PDIA5: variants seen among roughly 807,000 people sequenced by gnomAD.
The protein encoded by PDIA5 is protein disulfide isomerase family A member 5.
Under a neutral mutation model 77.6 loss-of-function variants are expected in PDIA5, and 58 were observed. The observed-to-expected ratio is 0.75, with a 90% CI of 0.61 to 0.93. The LOEUF is 0.93. Among genes scored for constraint, PDIA5 ranks in the 40% least tolerant of loss-of-function variants. PDIA5 has a pLI of 0.00. For missense variants in PDIA5, 630 were observed against 647.7 expected (o/e 0.97, Z 0.30); for synonymous variants, 250 against 252.1 (o/e 0.99, Z 0.08).
rs547216257 is a variant in PDIA5, at chr3:123,138,102, C to T, written c.911-7420C>T. Among the ~76,000 whole-genome samples the T allele has an allele frequency of 1.3e-3, 197 of 152,162 alleles. 1 individual carries two copies. Among genetic ancestry groups the T allele is most frequent in the Middle Eastern group, 6.8e-3 (2 of 292 alleles). On this transcript the variant is annotated intron_variant, in intron 11 of 16. Transcript: ENST00000316218. ...CTAGTACTACAGGCACACACTACCA[C>T]GCCTGGCTAATTTTTTAAATTTTTA...
intron 1 of PDIA5, among the ~76,000 whole-genome samples, chr3:123,086,241 T>G (rs1180259123): frequency 1.3e-5 from 2 of 152,242 alleles, no homozygotes; most frequent in Non-Finnish European, 2.9e-5. Flanking sequence ...CTTTCTGATT[T>G]ATAAAACACG....
chr3:123,119,276 T>G (rs1007408642), intron 8 of PDIA5, among the ~76,000 whole-genome samples: 8 of 152,022 alleles, frequency 5.3e-5, no homozygotes, highest in Admixed American at 5.2e-4. Context: ...AATTCCAGCT[T>G]CTTCTGCCTG....
intron 11 of PDIA5, among the ~76,000 whole-genome samples, chr3:123,137,252 A>G (rs1197846534): frequency 1.3e-5 from 2 of 152,242 alleles, no homozygotes; most frequent in Non-Finnish European, 2.9e-5. Context: ...GTCTGCAGCT[A>G]TCTGACCTCT....
At chr3:123,156,713 C>G (rs1936027097) in intron 15 of PDIA5, among the ~76,000 whole-genome samples, 1 of 152,192 alleles carries the variant, frequency 6.6e-6, no homozygotes, top group South Asian at 2.1e-4. Flanking sequence ...GGTCCTGAGG[C>G]ATGACTGGCA....
intron 11 of PDIA5, among the ~76,000 whole-genome samples, chr3:123,134,880 G>A (rs1488809625): frequency 1.3e-5 from 2 of 152,192 alleles, no homozygotes; most frequent in African/African-American, 2.4e-5. Context: ...GGCTCTGAGA[G>A]GGGTGTGTCT....
At chr3:123,067,351 C>A in intron 1 of PDIA5, 145 bp downstream of exon 1, 2 of 695,052 alleles carry the variant, frequency 2.9e-6, no homozygotes, top group Non-Finnish European at 4.0e-6. Context: ...GGCAGGCGGG[C>A]ACTGGGTGCT....
chr3:123,100,587 GC>G (rs1266277479), intron 3 of PDIA5, among the ~76,000 whole-genome samples: 1 of 152,230 alleles, frequency 6.6e-6, no homozygotes, highest in Non-Finnish European at 1.5e-5. Context: ...TGCAGCGATG[GC>G]TAGACAGCTG....
chr3:123,079,988 T>C (rs1220394131), intron 1 of PDIA5, among the ~76,000 whole-genome samples: 1 of 152,144 alleles, frequency 6.6e-6, no homozygotes, highest in African/African-American at 2.4e-5. Context: ...GCTGCAACAG[T>C]CTGAAACAGA....
intron 15 of PDIA5, among the ~76,000 whole-genome samples, chr3:123,159,583 T>C (rs1936107032): frequency 6.6e-6 from 1 of 152,250 alleles, no homozygotes; most frequent in Non-Finnish European, 1.5e-5. Flanking sequence ...TTGTATTAAA[T>C]CTTCTGGCTC....
At chr3:123,139,984 A>G (rs60602783) in intron 11 of PDIA5, among the ~76,000 whole-genome samples, 5,499 of 152,220 alleles carry the variant, frequency 0.036, 322 homozygotes, top group African/African-American at 0.12. Flanking sequence ...TGAGAAAATA[A>G]AACAGGATAT....
chr3:123,077,998 C>T (rs532049854), intron 1 of PDIA5, among the ~76,000 whole-genome samples: 99 of 151,982 alleles, frequency 6.5e-4, no homozygotes, highest in African/African-American at 2.4e-3. Context: ...TTAGTAGATA[C>T]GGGGTTTCAC....
chr3:123,075,772 C>A (rs560911048), intron 1 of PDIA5, among the ~76,000 whole-genome samples: 2 of 152,296 alleles, frequency 1.3e-5, no homozygotes, highest in South Asian at 4.1e-4. Flanking sequence ...GGGCTCCCAG[C>A]CCCTGGAGAT....
Position 123,130,486 on chromosome 3 carries a change from G to T in PDIA5, c.780G>T (p.Gln260His). The T allele has an allele frequency of 6.2e-7, 1 of 1,613,416 alleles. No individual in the cohort carries two copies. Among genetic ancestry groups the T allele is most frequent in the South Asian group, 1.1e-5 (1 of 91,002 alleles). ...EDIVEWLKNP[Q>H]PPQPQVPETP... ...CCTGTTTTTGGTCTTCCAGTCCGCA[G>T]CCGCCACAGCCCCAGGTCCCTGAGA... is the stretch of plus-strand genomic sequence containing the variant. Residue 260 changes from glutamine (Q) to histidine (H), a missense_variant, in exon 11 of 17, where the codon CAG becomes CAT. Physicochemically the swap from Gln to His is conservative, Grantham distance 24 (BLOSUM62 0). Coordinates refer to ENST00000316218, the MANE Select transcript of PDIA5 (RefSeq NM_006810.4).
intron 3 of PDIA5, 125 bp downstream of exon 3, chr3:123,092,567 C>A: frequency 1.3e-6 from 1 of 754,070 alleles, no homozygotes. Flanking sequence ...GGAAAGATTC[C>A]ATCTAGTGAT....
intron 10 of PDIA5, among the ~76,000 whole-genome samples, chr3:123,129,503 A>C (rs1935324192): frequency 6.6e-6 from 1 of 152,154 alleles, no homozygotes; most frequent in Admixed American, 6.5e-5. Context: ...TGGAACTTTA[A>C]AATATTTCCT....
chr3:123,153,671 C>A (rs1159239821), intron 14 of PDIA5, among the ~76,000 whole-genome samples: 5 of 152,144 alleles, frequency 3.3e-5, no homozygotes, highest in African/African-American at 1.2e-4. Flanking sequence ...CCCCCCATCA[C>A]CCCCCACAAT....
chr3:123,076,381 C>T (rs1223494329), intron 1 of PDIA5, among the ~76,000 whole-genome samples: 1 of 152,184 alleles, frequency 6.6e-6, no homozygotes, highest in Admixed American at 6.5e-5. Flanking sequence ...TTTTTCAACT[C>T]CTGCAAGAAC....
intron 2 of PDIA5, among the ~76,000 whole-genome samples, chr3:123,090,248 T>C (rs566587795): frequency 6.6e-6 from 1 of 152,308 alleles, no homozygotes; most frequent in Non-Finnish European, 1.5e-5. Flanking sequence ...GCCCAGCATG[T>C]GACTAGCATT....
At chr3:123,110,336 G>A (rs371102094) in intron 6 of PDIA5, among the ~76,000 whole-genome samples, 1 of 152,154 alleles carries the variant, frequency 6.6e-6, no homozygotes, top group East Asian at 1.9e-4. Flanking sequence ...GGTGGAGCAG[G>A]CCCCCTCCTT....
Sources: allele counts gnomAD v4.1 joint callset (sites outside exome capture counted in the v4.1 genomes callset), GRCh38; gene constraint gnomAD v4.1.1; transcripts MANE v1.5; gene names NCBI Gene and HGNC (gene_info 2026-07-23, HGNC 2026-07-21).